ERG: variants seen among roughly 807,000 people sequenced by gnomAD.
The protein encoded by ERG is transcriptional regulator ERG.
In ERG, 9 loss-of-function variants were observed where a neutral mutation model predicts 55.3. That is an observed-to-expected ratio of 0.16 (90% CI 0.10 to 0.28). ERG has a LOEUF of 0.28. Ranked by LOEUF, ERG falls within the 10% of genes least tolerant of loss-of-function variation. ERG has a pLI of 1.00. For synonymous variants in ERG, 223 were observed against 237.3 expected (o/e 0.94, Z 0.55); for missense variants, 434 against 631.6 (o/e 0.69, Z 3.35).
At chr21:38,412,372 A>G (rs1989100097) in intron 3 of ERG, among the ~76,000 whole-genome samples, 1 of 152,104 alleles carries the variant, frequency 6.6e-6, no homozygotes, top group African/African-American at 2.4e-5. Flanking sequence ...TTAATCTTTA[A>G]ACAAAATCTA....
chr21:38,589,705 T>C (rs963068462), upstream of ERG, among the ~76,000 whole-genome samples: 1 of 152,130 alleles, frequency 6.6e-6, no homozygotes, highest in African/African-American at 2.4e-5. Context: ...AGAGGTCACC[T>C]GAGGATAAAA....
At chr21:38,492,660 A>G (rs2836437) in intron 1 of ERG, among the ~76,000 whole-genome samples, 40,342 of 152,086 alleles carry the variant, frequency 0.27, 6,557 homozygotes, top group African/African-American at 0.46. Context: ...AACAAACACA[A>G]GCAAAGCTGG....
At chr21:38,508,106 CACAG>C (rs972516531) in intron 2 of ERG, among the ~76,000 whole-genome samples, 8 of 126,832 alleles carry the variant, frequency 6.3e-5, no homozygotes, top group African/African-American at 2.3e-4. Context: ...CACAGGCAAA[CACAG>C]ACACACAATG....
At chr21:38,437,345 G>C (rs2058800422) in intron 2 of ERG, among the ~76,000 whole-genome samples, 1 of 152,162 alleles carries the variant, frequency 6.6e-6, no homozygotes, top group Non-Finnish European at 1.5e-5. Flanking sequence ...GGGGGTGGGG[G>C]CTGCAGGGGC....
chr21:38,537,720 G>A (rs1337213183), intron 2 of ERG, among the ~76,000 whole-genome samples: 1 of 152,196 alleles, frequency 6.6e-6, no homozygotes, highest in Non-Finnish European at 1.5e-5. Context: ...TGCACTGGTG[G>A]TGGGAGAGTA....
At chr21:38,555,408 T>A (rs929892726) in intron 2 of ERG, among the ~76,000 whole-genome samples, 2 of 151,916 alleles carry the variant, frequency 1.3e-5, no homozygotes, top group Non-Finnish European at 2.9e-5. Flanking sequence ...AAATAATATA[T>A]CCATTGTCAA....
intron 3 of ERG, among the ~76,000 whole-genome samples, chr21:38,411,328 A>C (rs189223698): frequency 9.2e-5 from 14 of 152,156 alleles, no homozygotes; most frequent in Non-Finnish European, 2.9e-5. Flanking sequence ...ATTTTATTTT[A>C]TTTTTTTGAG....
At chr21:38,486,333 C>T (rs2059285352) in intron 1 of ERG, among the ~76,000 whole-genome samples, 1 of 152,188 alleles carries the variant, frequency 6.6e-6, no homozygotes, top group South Asian at 2.1e-4. Flanking sequence ...TCACATGCTG[C>T]ACAGGTTTGT....
intron 1 of ERG, among the ~76,000 whole-genome samples, chr21:38,489,803 A>T (rs993773346): frequency 1.3e-5 from 2 of 152,198 alleles, no homozygotes; most frequent in Admixed American, 1.3e-4. Flanking sequence ...AAGAGAAGTG[A>T]TTGTCTAGGA....
intron 2 of ERG, among the ~76,000 whole-genome samples, chr21:38,542,223 C>T (rs1026757162): frequency 2.0e-5 from 3 of 152,090 alleles, no homozygotes; most frequent in Admixed American, 6.5e-5. Flanking sequence ...CTCCTGACCT[C>T]GTGATCCACC....
chr21:38,544,574 C>T (rs1315941462), intron 2 of ERG, among the ~76,000 whole-genome samples: 3 of 152,146 alleles, frequency 2.0e-5, no homozygotes, highest in Non-Finnish European at 2.9e-5. Flanking sequence ...CAAACGTGAT[C>T]CTACTGTGGC....
rs901333266 is a variant in ERG at position 38,519,861 on chromosome 21, T to A, written c.-41+55801A>T. ...AGGACTGAGACCCTAACCACACATG[T>A]AGAAGCAGGGAGAAAGATGCAGTTG... On this transcript the variant is annotated intron_variant, in intron 2 of 8. Coordinates refer to the ERG transcript ENST00000398897. Among the ~76,000 whole-genome samples the A allele has an allele frequency of 4.6e-5, 7 of 152,246 alleles. No individual in the cohort carries two copies. In the South Asian group the frequency reaches 1.2e-3, roughly 27 times the overall value.
intron 2 of ERG, among the ~76,000 whole-genome samples, chr21:38,436,395 G>A (rs1686014608): frequency 6.6e-6 from 1 of 152,144 alleles, no homozygotes; most frequent in Non-Finnish European, 1.5e-5. Flanking sequence ...AATGCAGTTG[G>A]CACTTGGATT....
At chr21:38,465,665 T>C (rs1036202413) in intron 1 of ERG, among the ~76,000 whole-genome samples, 4 of 152,270 alleles carry the variant, frequency 2.6e-5, no homozygotes, top group African/African-American at 4.8e-5. Flanking sequence ...AGCAGGTGTA[T>C]GGAAATCACT....
chr21:38,542,553 T>G (rs1429814074), intron 2 of ERG, among the ~76,000 whole-genome samples: 3 of 152,216 alleles, frequency 2.0e-5, no homozygotes, highest in Non-Finnish European at 4.4e-5. Context: ...ATCTCAGTTA[T>G]TATGGAGCTT....
At chr21:38,508,398 T>TA (rs150553258) in intron 2 of ERG, among the ~76,000 whole-genome samples, 3,517 of 147,144 alleles carry the variant, frequency 0.024, 112 homozygotes, top group African/African-American at 0.078. Flanking sequence ...GGATAGTCAA[T>TA]AAAAAAAAAA....
chr21:38,575,830 C>A, intron 1 of ERG: 1 of 999,406 alleles, frequency 1.0e-6, no homozygotes. Context: ...GGACACAATT[C>A]ACCAATGGCA....
At chr21:38,471,097 C>G (rs1329390597) in intron 1 of ERG, 1 of 152,174 alleles carries the variant, frequency 6.6e-6, no homozygotes, top group Non-Finnish European at 1.5e-5. Context: ...TTTGTAAAAA[C>G]ATGTTAATTT....
At chr21:38,514,502 T>A (rs910082764) in intron 2 of ERG, among the ~76,000 whole-genome samples, 1 of 151,872 alleles carries the variant, frequency 6.6e-6, no homozygotes, top group Non-Finnish European at 1.5e-5. Context: ...TTTATATAAC[T>A]TTAAACAAAA....
Sources: gnomAD v4.1 joint callset for allele counts (sites outside exome capture counted in the v4.1 genomes callset) on GRCh38, gnomAD v4.1.1 for gene constraint, MANE v1.5 for transcripts, NCBI Gene and HGNC (gene_info 2026-07-23, HGNC 2026-07-21) for gene names.